The following ADPRHL1 variants were observed in gnomAD, a reference collection of about 807,000 sequenced individuals.
The protein encoded by ADPRHL1 is inactive ADP-ribosyltransferase ARH2.
ADPRHL1 carries 43 observed loss-of-function variants against 44.1 expected under a neutral mutation model. That is an observed-to-expected ratio of 0.98 (90% CI 0.76 to 1.26). ADPRHL1 has a LOEUF of 1.26. Among genes scored for constraint, ADPRHL1 ranks in the 50% most tolerant of loss-of-function variants. The probability of loss-of-function intolerance (pLI) is 0.00; values close to 1 mark genes in which losing one functional copy is unlikely to be tolerated. For synonymous variants in ADPRHL1, 878 were observed against 1,017.4 expected, an observed-to-expected ratio of 0.86 and a Z score of 2.61; for missense variants, 2,022 against 2,496.9, an observed-to-expected ratio of 0.81 and a Z score of 4.05.
rs1284761673 is a variant in ADPRHL1, at chr13:113,407,313, G to A, written c.1969C>T (p.Pro657Ser). 8 of 1,231,882 alleles carry A rather than the reference G, an allele frequency of 6.5e-6. No individual in the cohort carries two copies. Among genetic ancestry groups the A allele is most frequent in the African/African-American group, 3.1e-5 (2 of 64,422 alleles). 76.3% of individuals were successfully genotyped at this position (1,231,882 alleles called of 1,614,324 possible). The change falls in exon 8 of 8, where the codon CCT becomes TCT. Residue 657 changes from proline (P) to serine (S), a missense_variant. Transcript: ENST00000612156. ...RPPRGEASVP[P>S]SARETGPSGN... is the part of the protein sequence containing the mutation. ...CTGGGCCCCGTCTCCCTGGCACTAG[G>A]GGGCACGCTGGCTTCTCCTCTGGGT...
In ADPRHL1 at chr13:113,453,217, A is replaced by G. The variant is rs2044189325; in HGVS notation, c.214+7T>C. 2 of 1,613,940 alleles carry G rather than the reference A, an allele frequency of 1.2e-6. No homozygotes were observed. Among genetic ancestry groups the G allele is most frequent in the Non-Finnish European group, 8.5e-7 (1 of 1,179,988 alleles). On this transcript the variant is annotated splice_region_variant and intron_variant, in intron 1 of 7. Transcript: ENST00000612156. The surrounding 1 kb of genome is among the most constrained non-coding windows in gnomAD (Gnocchi z 5.4). ...CCGCACACCGGAGCGCGGTGGGCCC[A>G]GCCTACCTGTGGTGAGGGCCTCGGC... is the stretch of plus-strand genomic sequence containing the variant.
intron 1 of ADPRHL1, among the ~76,000 whole-genome samples, chr13:113,452,842 G>A (rs893497509): frequency 1.1e-4 from 17 of 152,158 alleles, no homozygotes; most frequent in African/African-American, 1.7e-4. Flanking sequence ...TCTCTGCAGC[G>A]AGAAGTGAGC....
chr13:113,414,364 C>T (rs537021598), intron 7 of ADPRHL1, among the ~76,000 whole-genome samples: 38 of 152,266 alleles, frequency 2.5e-4, no homozygotes, highest in African/African-American at 7.9e-4. Flanking sequence ...TGCCCCTCTG[C>T]GGATGAGCCT....
chr13:113,424,066 A>C (rs2043945552), intron 6 of ADPRHL1, 151 bp downstream of exon 6: 2 of 1,093,242 alleles, frequency 1.8e-6, no homozygotes, highest in Admixed American at 5.5e-5. Context: ...GTGCCCTCCC[A>C]AAGTGGGTTC....
At chr13:113,410,493 C>T (rs2043844389) in intron 7 of ADPRHL1, among the ~76,000 whole-genome samples, 1 of 152,220 alleles carries the variant, frequency 6.6e-6, no homozygotes, top group Non-Finnish European at 1.5e-5. Flanking sequence ...GAAAACTAAA[C>T]TCGGAACCTG....
At position 113,405,861 on chromosome 13, in the gene ADPRHL1, C is replaced by T. The variant is rs2043804427; in HGVS notation, c.3421G>A (p.Ala1141Thr). Reference sequence around the variant, plus strand: ...TGGCCCAGCGTCTCTGGCTCTCCCGCTGTGCGGTCTCCAGGGCTCTGGGTG... The same window carrying T: ...TGGCCCAGCGTCTCTGGCTCTCCCGTTGTGCGGTCTCCAGGGCTCTGGGTG... ...GSTQSPGDRT[A>T]GEPETLGQWG... The change falls in exon 8 of 8, where the codon GCG becomes ACG. Residue 1141 changes from alanine (A) to threonine (T), a missense_variant. Transcript: ENST00000612156. 1 of 1,231,834 alleles carries T rather than the reference C, an allele frequency of 8.1e-7. No homozygotes were observed. Among genetic ancestry groups the T allele is most frequent in the African/African-American group, 1.6e-5 (1 of 64,424 alleles). 76.3% of individuals were successfully genotyped at this position (1,231,834 alleles called of 1,614,324 possible).
At position 113,409,406 on chromosome 13, in the gene ADPRHL1, G is replaced by C. The variant is rs549464157; in HGVS notation, c.1062-1186C>G. ...CATCAGGGATGAGGAACAAAGACTCGAGTATTACAGGAAAAGTCGCCTTCA... is the reference window on the plus strand; with the variant it reads ...CATCAGGGATGAGGAACAAAGACTCCAGTATTACAGGAAAAGTCGCCTTCA... On this transcript the variant is annotated intron_variant, in intron 7 of 7. Coordinates refer to ENST00000612156, the MANE Select transcript of ADPRHL1 (RefSeq NM_001394807.1). This position sits in a 1 kb window ranked among gnomAD's most constrained non-coding sequence, Gnocchi z 4.2. The C allele has an allele frequency of 2.0e-6, 2 of 985,244 alleles. No individual in the cohort carries two copies. The highest frequency in any genetic ancestry group is 6.2e-5 in the Admixed American group (1 of 16,254). 61.0% of individuals were successfully genotyped at this position (985,244 alleles called of 1,614,324 possible). A position where few individuals can be genotyped will look rare whatever the true frequency, so the allele number is the denominator to read the frequency against.
chr13:113,447,291 T>A (rs1236324893), intron 1 of ADPRHL1, among the ~76,000 whole-genome samples: 2 of 139,314 alleles, frequency 1.4e-5, no homozygotes, highest in Non-Finnish European at 3.1e-5. Context: ...ACACGCACGG[T>A]GTTGTGTGTG....
At chr13:113,436,394 G>A (rs1371449775) in intron 2 of ADPRHL1, among the ~76,000 whole-genome samples, 5 of 31,786 alleles carry the variant, frequency 1.6e-4, no homozygotes, top group East Asian at 1.1e-3. Context: ...GGTGTACCCC[G>A]GGACCCAGCA....
rs972041301 is a variant in ADPRHL1 at position 113,399,853 on chromosome 13, G to A, written c.*3525C>T. The A allele has an allele frequency of 6.6e-6, 1 of 151,894 alleles. No homozygotes were observed. The highest frequency in any genetic ancestry group is 1.5e-5 in the Non-Finnish European group (1 of 67,928). 9.4% of individuals were successfully genotyped at this position (151,894 alleles called of 1,614,324 possible). ...TACCCTGAGAACAGAATAAGGAGGTGGTGCTGAGCGTGTAAAATCCCAGAC... is the reference window on the plus strand; with the variant it reads ...TACCCTGAGAACAGAATAAGGAGGTAGTGCTGAGCGTGTAAAATCCCAGAC... On this transcript the variant is annotated 3_prime_UTR_variant, in exon 8 of 8. Transcript: ENST00000612156.
In ADPRHL1 at chr13:113,424,213, T is replaced by C; in HGVS notation, c.907+4A>G. ...GAAGCCACGGCCATTAAGGAACATC[T>C]CACCTCCATGAAACATGGCCCGGTG... On this transcript the variant is annotated splice_donor_region_variant and intron_variant, in intron 6 of 7. Transcript: ENST00000612156. 1 of 1,612,570 alleles carries C rather than the reference T, an allele frequency of 6.2e-7. No individual in the cohort carries two copies. Among genetic ancestry groups the C allele is most frequent in the Non-Finnish European group, 8.5e-7 (1 of 1,179,764 alleles).
intron 7 of ADPRHL1, 107 bp from the exon 8 acceptor site, chr13:113,408,327 G>T (rs2139597442): frequency 8.9e-7 from 1 of 1,122,110 alleles, no homozygotes; most frequent in African/African-American, 1.6e-5. Flanking sequence ...GGCCCCAAAA[G>T]TCTGGTAGGG....
In ADPRHL1 at chr13:113,441,973, C is replaced by T. The variant is rs560353640; in HGVS notation, c.379+2452G>A. 3.3e-5 allele frequency among the ~76,000 whole-genome samples: 5 copies of T among 152,348 alleles called. No individual in the cohort carries two copies. The highest frequency in any genetic ancestry group is 4.1e-4 in the South Asian group (2 of 4,828). On this transcript the variant is annotated intron_variant, in intron 2 of 7. Coordinates refer to ENST00000612156, the MANE Select transcript of ADPRHL1 (RefSeq NM_001394807.1). This position sits in a 1 kb window ranked among gnomAD's most constrained non-coding sequence, Gnocchi z 6.0. ...GTTGTGTCCCGCCACGCGGCGTCCGCGTCTCTATCACGCTGTGTCCTGTGG... is the reference window on the plus strand; with the variant it reads ...GTTGTGTCCCGCCACGCGGCGTCCGTGTCTCTATCACGCTGTGTCCTGTGG...
At chr13:113,423,154 G>A (rs558374913) in intron 6 of ADPRHL1, among the ~76,000 whole-genome samples, 175 bp from the exon 7 acceptor site, 3 of 152,248 alleles carry the variant, frequency 2.0e-5, no homozygotes, top group Non-Finnish European at 2.9e-5. Context: ...CTACACAGGC[G>A]GCTGAGATGG....
chr13:113,444,076 A>G (rs1595555455), intron 2 of ADPRHL1, among the ~76,000 whole-genome samples: 1 of 152,280 alleles, frequency 6.6e-6, no homozygotes, highest in South Asian at 2.1e-4. Flanking sequence ...GTGTTCCTTG[A>G]ACAGACGCTC....
intron 7 of ADPRHL1, among the ~76,000 whole-genome samples, chr13:113,417,940 C>T (rs1254286851): frequency 6.6e-6 from 1 of 152,172 alleles, no homozygotes. Flanking sequence ...TTGGGTATTA[C>T]CAATTTTATC....
Position 113,407,319 on chromosome 13 carries a change from C to A in ADPRHL1, c.1963G>T (p.Val655Leu). ...CCCGTCTCCCTGGCACTAGGGGGCA[C>A]GCTGGCTTCTCCTCTGGGTGGACGC... ...ARRPPRGEAS[V>L]PPSARETGPS... The change falls in exon 8 of 8, where the codon GTG becomes TTG. Residue 655 changes from valine to leucine, a missense_variant. Around this residue, in one of 8 missense-constraint regions of ADPRHL1, gnomAD observed 1,221 missense variants for 1,517.8 expected, o/e 0.80. Coordinates refer to ENST00000612156, the MANE Select transcript of ADPRHL1 (RefSeq NM_001394807.1). The A allele has an allele frequency of 8.1e-7, 1 of 1,232,030 alleles. No homozygotes were observed. Among genetic ancestry groups the A allele is most frequent in the Non-Finnish European group, 1.0e-6 (1 of 988,050 alleles). 76.3% of individuals were successfully genotyped at this position (1,232,030 alleles called of 1,614,324 possible).
At chr13:113,415,379 T>C (rs4466973) in intron 7 of ADPRHL1, among the ~76,000 whole-genome samples, 68,581 of 152,084 alleles carry the variant, frequency 0.45, 15,921 homozygotes, top group Middle Eastern at 0.55. Context: ...TGACAGGAAA[T>C]GTTCTGCCCA....
At chr13:113,434,602 AGG>A (rs2044034396) in intron 2 of ADPRHL1, among the ~76,000 whole-genome samples, 1 of 144,770 alleles carries the variant, frequency 6.9e-6, no homozygotes, top group African/African-American at 2.6e-5. Flanking sequence ...CCCGGCACCC[AGG>A]TGTAGAGTGA....
Sources: gnomAD v4.1 joint callset for allele counts (sites outside exome capture counted in the v4.1 genomes callset) on GRCh38, gnomAD v4.1.1 for gene constraint, gnomAD v4.1.1 regional missense constraint, Gnocchi (gnomAD v3.1) non-coding constraint, MANE v1.5 for transcripts, NCBI Gene and HGNC (gene_info 2026-07-23, HGNC 2026-07-21) for gene names.